PRKN: variants seen among roughly 807,000 people sequenced by gnomAD.
PRKN encodes the protein E3 ubiquitin-protein ligase parkin.
In PRKN, 56 loss-of-function variants were observed where a neutral mutation model predicts 59.5. The observed-to-expected ratio is 0.94, with a 90% CI of 0.76 to 1.18. PRKN has a LOEUF of 1.18. PRKN is among the 50% of genes most tolerant of loss of function. The probability of loss-of-function intolerance (pLI) is 0.00; values close to 1 mark genes in which losing one functional copy is unlikely to be tolerated. For missense variants in PRKN, 657 were observed against 596.4 expected (o/e 1.10, Z -1.06); for synonymous variants, 250 against 222.1 (o/e 1.13, Z -1.12).
At position 162,452,539 on chromosome 6, in the gene PRKN, G is replaced by A. The variant is rs944688309; in HGVS notation, c.8-9066C>T. ...GCAATATTAACAATGAAGAAACTAAGAAGTTAAGGACAGACATTATATTTC... is the reference window on the plus strand; with the variant it reads ...GCAATATTAACAATGAAGAAACTAAAAAGTTAAGGACAGACATTATATTTC... On this transcript the variant is annotated intron_variant, in intron 1 of 11. Transcript: ENST00000366898. Among the ~76,000 whole-genome samples, 4 of 151,856 alleles carry A rather than the reference G, an allele frequency of 2.6e-5. No individual in the cohort carries two copies. The South Asian group carries it at 8.3e-4, about 32-fold the overall frequency.
intron 1 of PRKN, among the ~76,000 whole-genome samples, chr6:162,665,115 A>C (rs1039876415): frequency 6.6e-6 from 1 of 152,162 alleles, no homozygotes; most frequent in Admixed American, 6.6e-5. Flanking sequence ...CCCTTTGACA[A>C]CCAGTACAAG....
At position 161,466,742 on chromosome 6, in the gene PRKN, G is replaced by A. The variant is rs1365812642; in HGVS notation, c.1084-79865C>T. On this transcript the variant is annotated intron_variant, in intron 9 of 11. Coordinates refer to ENST00000366898, the MANE Select transcript of PRKN (RefSeq NM_004562.3). This position sits in a 1 kb window ranked among gnomAD's most constrained non-coding sequence, Gnocchi z 5.0. The stretch of plus-strand genomic sequence containing the variant: ...CAGACATACAAACAACCCAAGGACA[G>A]GCTTTCTGACAAGTGATTGATAGAT... 6.6e-6 allele frequency among the ~76,000 whole-genome samples: 1 copy of A among 152,140 alleles called. No individual in the cohort carries two copies. The highest frequency in any genetic ancestry group is 1.5e-5 in the Non-Finnish European group (1 of 68,028).
chr6:162,432,739 C>A (rs943778526), intron 2 of PRKN, among the ~76,000 whole-genome samples: 1 of 152,124 alleles, frequency 6.6e-6, no homozygotes, highest in Admixed American at 6.6e-5. Flanking sequence ...AATGTATTTT[C>A]TCTTCAGAGT....
chr6:162,278,961 T>TA (rs1562635775), intron 2 of PRKN, among the ~76,000 whole-genome samples: 18 of 151,894 alleles, frequency 1.2e-4, no homozygotes, highest in South Asian at 1.0e-3. Flanking sequence ...TAGATTTTTT[T>TA]AAAAAATTTT....
rs191514589 is a variant in PRKN at position 161,858,589 on chromosome 6, C to T, written c.735-72681G>A. On this transcript the variant is annotated intron_variant, in intron 6 of 11. Transcript: ENST00000366898. The stretch of plus-strand genomic sequence containing the variant: ...TCTGAATACCCACCCCCACCTTCAC[C>T]TATTCCCTTTATAAATGCTAACAGA... 5.9e-5 allele frequency among the ~76,000 whole-genome samples: 9 copies of T among 152,174 alleles called. No individual in the cohort carries two copies. The East Asian group carries it at 1.8e-3, about 30-fold the overall frequency.
At chr6:161,855,146 C>CA (rs2128223292) in intron 6 of PRKN, among the ~76,000 whole-genome samples, 1 of 150,830 alleles carries the variant, frequency 6.6e-6, no homozygotes, top group Admixed American at 6.6e-5. Context: ...GCACACCTTG[C>CA]ACCAGAACCA....
intron 4 of PRKN, among the ~76,000 whole-genome samples, chr6:162,170,770 A>G (rs990165832): frequency 1.3e-5 from 2 of 152,196 alleles, no homozygotes; most frequent in African/African-American, 4.8e-5. Flanking sequence ...TTCAGGACCG[A>G]AAGAAGGAAG....
intron 1 of PRKN, among the ~76,000 whole-genome samples, chr6:162,528,658 T>G (rs1778388065): frequency 6.6e-6 from 1 of 151,900 alleles, no homozygotes. Flanking sequence ...GGAAGTAAAA[T>G]AACCTAGAAG....
intron 3 of PRKN, among the ~76,000 whole-genome samples, chr6:162,247,390 A>G (rs1779245658): frequency 6.6e-6 from 1 of 152,176 alleles, no homozygotes; most frequent in Non-Finnish European, 1.5e-5. Flanking sequence ...ACCGTGAAAG[A>G]TAAAACTTGA....
intron 2 of PRKN, among the ~76,000 whole-genome samples, chr6:162,284,233 T>C (rs1229764520): frequency 7.0e-6 from 1 of 143,690 alleles, no homozygotes; most frequent in East Asian, 2.1e-4. Flanking sequence ...TTTTTTTTTT[T>C]TTTTTTTTGA....
At chr6:162,139,439 G>A (rs935954399) in intron 4 of PRKN, among the ~76,000 whole-genome samples, 4 of 152,154 alleles carry the variant, frequency 2.6e-5, no homozygotes, top group Non-Finnish European at 2.9e-5. Context: ...ACAGAAAGAC[G>A]AATACAGGCA....
intron 4 of PRKN, among the ~76,000 whole-genome samples, chr6:162,115,551 A>AAAG (rs975596630): frequency 2.5e-5 from 3 of 121,352 alleles, no homozygotes; most frequent in Admixed American, 8.2e-5. Context: ...ACATGTTTCC[A>AAAG]AAGAAAAAAA....
chr6:161,486,314 G>C, intron 9 of PRKN, among the ~76,000 whole-genome samples: 1 of 152,008 alleles, frequency 6.6e-6, no homozygotes, highest in East Asian at 1.9e-4. Context: ...TTTAGCTCAA[G>C]GCTGCACAAA....
intron 4 of PRKN, among the ~76,000 whole-genome samples, chr6:162,083,625 T>C (rs115398654): frequency 0.01 from 1,573 of 152,116 alleles, 33 homozygotes; most frequent in African/African-American, 0.036. Flanking sequence ...ACTAAACAGG[T>C]CCTCCTGTCT....
intron 4 of PRKN, among the ~76,000 whole-genome samples, chr6:162,125,100 G>C (rs1237911905): frequency 1.3e-5 from 2 of 152,162 alleles, no homozygotes; most frequent in African/African-American, 4.8e-5. Context: ...TGTCCTGTGG[G>C]AATGTGACAC....
At chr6:162,529,794 T>A (rs1778435558) in intron 1 of PRKN, among the ~76,000 whole-genome samples, 1 of 152,180 alleles carries the variant, frequency 6.6e-6, no homozygotes, top group Non-Finnish European at 1.5e-5. Context: ...TGGTCAAGGT[T>A]GTTTTGACCT....
intron 9 of PRKN, among the ~76,000 whole-genome samples, chr6:161,453,228 G>A (rs1464166249): frequency 2.0e-5 from 3 of 152,300 alleles, no homozygotes; most frequent in African/African-American, 7.2e-5. Flanking sequence ...GGAGGGCGGG[G>A]AGTCAGACTG....
At chr6:162,082,866 C>G (rs1393001939) in intron 4 of PRKN, among the ~76,000 whole-genome samples, 1 of 152,008 alleles carries the variant, frequency 6.6e-6, no homozygotes, top group Non-Finnish European at 1.5e-5. Flanking sequence ...ATTTCATTTA[C>G]CATCTCATAT....
At chr6:162,014,366 G>C (rs148448306) in intron 5 of PRKN, among the ~76,000 whole-genome samples, 183 of 152,256 alleles carry the variant, frequency 1.2e-3, no homozygotes, top group African/African-American at 4.3e-3. Flanking sequence ...TACATACCTA[G>C]GTCTCTAGCT....
Sources: allele counts gnomAD v4.1 joint callset (sites outside exome capture counted in the v4.1 genomes callset), GRCh38; gene constraint gnomAD v4.1.1; non-coding constraint Gnocchi (gnomAD v3.1); transcripts MANE v1.5; gene names NCBI Gene and HGNC (gene_info 2026-07-23, HGNC 2026-07-21).